Variants in DIP2B observed in about 807,000 individuals in gnomAD.
DIP2B encodes disco-interacting protein 2 homolog B.
Under a neutral mutation model 198.0 loss-of-function variants are expected in DIP2B, and 76 were observed. The observed-to-expected ratio is 0.38, with a 90% confidence interval of 0.32 to 0.46. The LOEUF (loss-of-function observed/expected upper bound fraction) is 0.46, where lower values mean the gene tolerates loss of function less well. DIP2B is among the 20% of genes least tolerant of loss of function. The probability of loss-of-function intolerance (pLI) is 0.99; values close to 1 mark genes in which losing one functional copy is unlikely to be tolerated. For synonymous variants in DIP2B, 701 were observed against 739.1 expected (o/e 0.95, Z 0.84); for missense variants, 1,559 against 1,978.4 (o/e 0.79, Z 4.02).
intron 1 of DIP2B, among the ~76,000 whole-genome samples, chr12:50,516,909 G>C (rs796733339): frequency 6.6e-6 from 1 of 152,040 alleles, no homozygotes; most frequent in Non-Finnish European, 1.5e-5. Flanking sequence ...GAGCCCAGGA[G>C]ACGGAGGTTG....
chr12:50,676,457 A>T (rs1373597569), intron 7 of DIP2B, among the ~76,000 whole-genome samples: 1 of 152,236 alleles, frequency 6.6e-6, no homozygotes, highest in African/African-American at 2.4e-5. Context: ...CACTAAACTC[A>T]TTGAATGGTG....
At chr12:50,562,906 G>T (rs1419855818) in intron 1 of DIP2B, among the ~76,000 whole-genome samples, 1 of 152,030 alleles carries the variant, frequency 6.6e-6, no homozygotes, top group Non-Finnish European at 1.5e-5. Flanking sequence ...AGTGCCAAAA[G>T]AATAATTTTA....
At chr12:50,742,715 G>A (rs879359069) in intron 37 of DIP2B, among the ~76,000 whole-genome samples, 5 of 152,076 alleles carry the variant, frequency 3.3e-5, no homozygotes, top group Non-Finnish European at 5.9e-5. Flanking sequence ...GGCCAACATG[G>A]CAAAACCCTG....
chr12:50,669,462 T>G (rs1380741086), intron 4 of DIP2B, among the ~76,000 whole-genome samples: 1 of 152,118 alleles, frequency 6.6e-6, no homozygotes, highest in Non-Finnish European at 1.5e-5. Context: ...TCACTCTGCC[T>G]CCCAGGCTGG....
intron 1 of DIP2B, among the ~76,000 whole-genome samples, chr12:50,550,200 A>T (rs946900470): frequency 7.9e-5 from 12 of 152,198 alleles, no homozygotes; most frequent in Non-Finnish European, 1.5e-4. Context: ...TTAAGTTTTT[A>T]AAATTTCCAT....
At chr12:50,510,728 C>T (rs904219981) in intron 1 of DIP2B, among the ~76,000 whole-genome samples, 17 of 152,006 alleles carry the variant, frequency 1.1e-4, no homozygotes, top group Non-Finnish European at 1.3e-4. Flanking sequence ...TCACCGCAAC[C>T]TCCACCTCCT....
intron 25 of DIP2B, among the ~76,000 whole-genome samples, chr12:50,720,521 C>T (rs554339923): frequency 1.3e-5 from 2 of 152,032 alleles, no homozygotes; most frequent in East Asian, 3.9e-4. Flanking sequence ...TCTTAAGAAC[C>T]ATTACTTTTA....
In DIP2B at chr12:50,674,552, T is replaced by C. The variant is rs1229734935; in HGVS notation, c.719T>C (p.Ile240Thr). The change falls in exon 6 of 38, where the codon ATT becomes ACT. Residue 240 changes from isoleucine (I) to threonine (T), a missense_variant. Ile to Thr is a moderately conservative substitution (Grantham distance 89, BLOSUM62 -1). Coordinates refer to ENST00000301180, the MANE Select transcript of DIP2B (RefSeq NM_173602.3). Reference sequence around the variant, plus strand: ...TCTTCCTCAATTCGCCCAGCAAACATTGACCTGCCCCCCTCGGGGATAGTT... The same window carrying C: ...TCTTCCTCAATTCGCCCAGCAAACACTGACCTGCCCCCCTCGGGGATAGTT... ...SSSSSIRPAN[I>T]DLPPSGIVKG... 1 of 1,614,224 alleles carries C rather than the reference T, an allele frequency of 6.2e-7. No individual in the cohort carries two copies. Among genetic ancestry groups the C allele is most frequent in the Non-Finnish European group, 8.5e-7 (1 of 1,180,034 alleles).
intron 1 of DIP2B, among the ~76,000 whole-genome samples, chr12:50,552,723 T>C (rs963454833): frequency 7.2e-5 from 11 of 152,068 alleles, no homozygotes; most frequent in Non-Finnish European, 2.9e-5. Context: ...ATCCAAGAAA[T>C]TCTTGCCAAA....
chr12:50,505,791 A>G (rs190090077), intron 1 of DIP2B, among the ~76,000 whole-genome samples: 4 of 152,270 alleles, frequency 2.6e-5, no homozygotes, highest in Admixed American at 2.0e-4. Context: ...GGTCCTAGGA[A>G]GATAAGAAGC....
chr12:50,525,129 G>A (rs576901977), intron 1 of DIP2B, among the ~76,000 whole-genome samples: 4 of 152,022 alleles, frequency 2.6e-5, no homozygotes, highest in Non-Finnish European at 5.9e-5. Context: ...AGGCCGAGGC[G>A]GGCAGATCAC....
intron 1 of DIP2B, among the ~76,000 whole-genome samples, chr12:50,553,369 G>T (rs1461017537): frequency 6.6e-6 from 1 of 152,162 alleles, no homozygotes; most frequent in Non-Finnish European, 1.5e-5. Flanking sequence ...TTGTTTTGCT[G>T]ACTGTTGTAT....
In DIP2B at chr12:50,675,393, C is replaced by G. The variant is rs1433359541; in HGVS notation, c.861C>G (p.Pro287=). The G allele has an allele frequency of 6.2e-7, 1 of 1,613,880 alleles. No homozygotes were observed. The highest frequency in any genetic ancestry group is 1.1e-5 in the South Asian group (1 of 91,054). The change falls in exon 7 of 38, where the codon CCC becomes CCG. Residue 287 remains proline, a synonymous_variant. Transcript: ENST00000301180. ...AGCTTCTGAACACTCTGAAACGACC[C>G]AAAAGGCCTCCCTTAAAGGAATTTT... ...IQQLLNTLKR[P]KRPPLKEFFV...
At chr12:50,530,761 C>T (rs1226029443) in intron 1 of DIP2B, among the ~76,000 whole-genome samples, 1 of 151,996 alleles carries the variant, frequency 6.6e-6, no homozygotes. Context: ...AGGAGAAAGG[C>T]GGACTGGTAA....
intron 1 of DIP2B, among the ~76,000 whole-genome samples, chr12:50,600,056 T>A (rs757116056): frequency 6.6e-6 from 1 of 152,234 alleles, no homozygotes; most frequent in Non-Finnish European, 1.5e-5. Context: ...ACCTCAAATG[T>A]CAGAGATGGT....
At chr12:50,605,795 T>A (rs371745847) in intron 1 of DIP2B, among the ~76,000 whole-genome samples, 1 of 152,152 alleles carries the variant, frequency 6.6e-6, no homozygotes, top group South Asian at 2.1e-4. Context: ...TTTCTCTTAA[T>A]TTATTTATTT....
chr12:50,531,355 G>A lies in DIP2B; in HGVS notation c.100+26115G>A, dbSNP rs567749162. Among the ~76,000 whole-genome samples the A allele has an allele frequency of 5.3e-5, 8 of 152,286 alleles. No homozygotes were observed. In the South Asian group the frequency reaches 1.7e-3, roughly 32 times the overall value. On this transcript the variant is annotated intron_variant, in intron 1 of 37. Coordinates refer to ENST00000301180, the MANE Select transcript of DIP2B (RefSeq NM_173602.3). ...GAGCCGCTGCACCCAGCCAAGGAGA[G>A]CATATTGAGTGAGCAGAGGCTAAAC...
intron 3 of DIP2B, among the ~76,000 whole-genome samples, chr12:50,652,397 C>T (rs1458012719): frequency 3.3e-5 from 5 of 150,036 alleles, no homozygotes; most frequent in Admixed American, 1.3e-4. Context: ...ATTAGCTGGA[C>T]GTGGTGGCAC....
intron 1 of DIP2B, among the ~76,000 whole-genome samples, chr12:50,554,672 C>A (rs946105402): frequency 2.0e-5 from 3 of 152,102 alleles, no homozygotes; most frequent in African/African-American, 7.2e-5. Flanking sequence ...TGTATTGCAT[C>A]CTGTATATTC....
Sources: gnomAD v4.1 joint callset for allele counts (sites outside exome capture counted in the v4.1 genomes callset) on GRCh38, gnomAD v4.1.1 for gene constraint, MANE v1.5 for transcripts, NCBI Gene and HGNC (gene_info 2026-07-23, HGNC 2026-07-21) for gene names.